Variants in GPSM2 observed in about 807,000 individuals in gnomAD.
GPSM2 encodes G protein signaling modulator 2.
GPSM2 carries 58 observed loss-of-function variants against 78.4 expected under a neutral mutation model. That is an observed-to-expected ratio of 0.74 (90% CI 0.60 to 0.92). The LOEUF is 0.92. Ranked by LOEUF, GPSM2 falls within the 40% of genes least tolerant of loss-of-function variation. The pLI is 0.00. For missense variants in GPSM2, 700 were observed against 815.5 expected (o/e 0.86, Z 1.73); for synonymous variants, 224 against 280.2 (o/e 0.80, Z 2.00).
Position 108,934,338 on chromosome 1 carries a change from T to C in GPSM2, c.*4398T>C. On this transcript the variant is annotated 3_prime_UTR_variant, in exon 15 of 15. Coordinates refer to ENST00000264126, the MANE Select transcript of GPSM2 (RefSeq NM_013296.5). ...GGGTTCCCGTAAGTGCCTGTAACAA[T>C]AAAATTTCTTTTTCAATGTCCCCAA... The C allele has an allele frequency of 3.9e-6, 1 of 253,790 alleles. No individual in the cohort carries two copies. 15.7% of individuals were successfully genotyped at this position (253,790 alleles called of 1,614,324 possible). A position where few individuals can be genotyped will look rare whatever the true frequency, so the allele number is the denominator to read the frequency against.
chr1:108,887,060 G>C (rs1245690353), intron 2 of GPSM2, among the ~76,000 whole-genome samples: 1 of 151,886 alleles, frequency 6.6e-6, no homozygotes, highest in Non-Finnish European at 1.5e-5. Flanking sequence ...CTAATTTTTT[G>C]TATTTTTAGT....
chr1:108,903,691 C>T (rs142240745), intron 9 of GPSM2, among the ~76,000 whole-genome samples: 1 of 152,210 alleles, frequency 6.6e-6, no homozygotes, highest in East Asian at 1.9e-4. Context: ...ACGATTAGAG[C>T]TAATGTATAT....
At position 108,885,452 on chromosome 1, in the gene GPSM2, T is replaced by C; in HGVS notation, c.-71T>C. The C allele has an allele frequency of 3.5e-6, 3 of 865,144 alleles. No individual in the cohort carries two copies. In the South Asian group the frequency reaches 4.1e-5, roughly 12 times the overall value. 53.6% of individuals were successfully genotyped at this position (865,144 alleles called of 1,614,324 possible). A position where few individuals can be genotyped will look rare whatever the true frequency, so the allele number is the denominator to read the frequency against. ...AACCGGACAATGTTCTACAAACAAT[T>C]CTACATTGTAAAGGACTGGATTGGC... On this transcript the variant is annotated 5_prime_UTR_variant, in exon 2 of 15. Transcript: ENST00000264126.
rs1355756322 is a variant in GPSM2 at position 108,906,629 on chromosome 1, A to G, written c.1192+2375A>G. On this transcript the variant is annotated intron_variant, in intron 10 of 14. Transcript: ENST00000264126. ...CAGTGGCTCACGCCTGTAATCCCCA[A>G]CACTTCAGGAGGCTGAGGCAGGTGG... Among the ~76,000 whole-genome samples the G allele has an allele frequency of 3.3e-5, 5 of 151,390 alleles. No individual in the cohort carries two copies. The East Asian group carries it at 5.8e-4, about 18-fold the overall frequency.
In GPSM2 at chr1:108,903,193, G is replaced by A. The variant is rs727505313; in HGVS notation, c.1021G>A (p.Ala341Thr). ...AYTALGNHDQ[A>T]MHFAEKHLEI... ...CACAGCACTAGGAAATCATGATCAA[G>A]CAATGCATTTTGCTGAAAAGCACTT... Residue 341 changes from alanine to threonine, a missense_variant, in exon 9 of 15, where the codon GCA becomes ACA. Transcript: ENST00000264126. 1.9e-5 allele frequency: 31 copies of A among 1,610,278 alleles called. No individual in the cohort carries two copies. The Admixed American group carries it at 5.2e-4, about 27-fold the overall frequency.
In GPSM2 at chr1:108,884,628, G is replaced by A. The variant is rs535917098; in HGVS notation, c.-248-647G>A. 1.8e-3 allele frequency among the ~76,000 whole-genome samples: 277 copies of A among 152,312 alleles called. 1 individual carries two copies. Among genetic ancestry groups the A allele is most frequent in the African/African-American group, 6.3e-3 (260 of 41,572 alleles). ...TTAGAAATCACCTTAGAGGGAAAAGGAAGGAGATGGGTTAGGTTGGACTAC... is the reference window on the plus strand; with the variant it reads ...TTAGAAATCACCTTAGAGGGAAAAGAAAGGAGATGGGTTAGGTTGGACTAC... On this transcript the variant is annotated intron_variant, in intron 1 of 14. Transcript: ENST00000264126.
intron 14 of GPSM2, 129 bp from the exon 15 acceptor site, chr1:108,929,572 A>C (rs899425466): frequency 1.3e-6 from 1 of 783,136 alleles, no homozygotes; most frequent in Non-Finnish European, 2.2e-6. Flanking sequence ...ATAAAAACAA[A>C]GATTAATTTC....
At chr1:108,929,275 T>C (rs540398152) in intron 14 of GPSM2, among the ~76,000 whole-genome samples, 1 of 152,334 alleles carries the variant, frequency 6.6e-6, no homozygotes, top group South Asian at 2.1e-4. Flanking sequence ...GTGATTTTTT[T>C]AAGGTAGTTC....
chr1:108,881,067 A>T (rs1291423522), intron 1 of GPSM2, among the ~76,000 whole-genome samples: 1 of 152,210 alleles, frequency 6.6e-6, no homozygotes, highest in African/African-American at 2.4e-5. Context: ...GTCTAAAGGG[A>T]GTCTGTCTAT....
Position 108,885,299 on chromosome 1 carries a change from A to G in GPSM2, c.-224A>G. On this transcript the variant is annotated 5_prime_UTR_variant, in exon 2 of 15. Coordinates refer to ENST00000264126, the MANE Select transcript of GPSM2 (RefSeq NM_013296.5). ...GAAATGTTGCTGAAGTGCTGCTGAA[A>G]GGGCCAGAGATGCAAGGATTTGGGA... The G allele has an allele frequency of 2.3e-6, 1 of 427,816 alleles. No individual in the cohort carries two copies. The highest frequency in any genetic ancestry group is 4.0e-5 in the Admixed American group (1 of 25,300). The allele number at this position is 427,816 out of a possible 1,614,324, so 26.5% of individuals were successfully genotyped here.
At chr1:108,921,123 C>G (rs1487235545) in intron 12 of GPSM2, among the ~76,000 whole-genome samples, 2 of 152,298 alleles carry the variant, frequency 1.3e-5, no homozygotes, top group East Asian at 3.9e-4. Context: ...CTGTGTCCCT[C>G]AGATCTGCTC....
chr1:108,911,800 T>TA (rs1649767030), intron 10 of GPSM2, among the ~76,000 whole-genome samples: 2 of 658 alleles, frequency 3.0e-3, no homozygotes, highest in African/African-American at 0.012. Context: ...GGGAAGACAA[T>TA]TTTTTTTTTT....
chr1:108,897,883 T>C, intron 4 of GPSM2, 76 bp from the exon 5 acceptor site: 1 of 1,466,972 alleles, frequency 6.8e-7, no homozygotes, highest in Non-Finnish European at 9.5e-7. Flanking sequence ...TCCGTAATAC[T>C]AAGGATATTA....
rs949173800 is a variant in GPSM2, at chr1:108,931,881, G to A, written c.*1941G>A. The A allele has an allele frequency of 9.9e-5, 16 of 161,884 alleles. No individual in the cohort carries two copies. Among genetic ancestry groups the A allele is most frequent in the Admixed American group, 7.9e-4 (13 of 16,514 alleles). 10.0% of individuals were successfully genotyped at this position (161,884 alleles called of 1,614,324 possible). ...GTACAAACTTTGTGTATTATTTTGT[G>A]TATACAATAGTTCTTACAGCCTGTA... On this transcript the variant is annotated 3_prime_UTR_variant, in exon 15 of 15. Transcript: ENST00000264126.
chr1:108,898,107 T>G lies in GPSM2; in HGVS notation c.557+6T>G. On this transcript the variant is annotated splice_donor_region_variant and intron_variant, in intron 5 of 14. Coordinates refer to ENST00000264126, the MANE Select transcript of GPSM2 (RefSeq NM_013296.5). ...GCAGCCGTGGATTTTTATGAGTGAG[T>G]AGGGGCTGATATGGGCAGTCATGTA... 3 of 1,612,994 alleles carry G rather than the reference T, an allele frequency of 1.9e-6. No homozygotes were observed. Among genetic ancestry groups the G allele is most frequent in the Non-Finnish European group, 2.5e-6 (3 of 1,179,034 alleles).
At chr1:108,902,061 T>C in intron 8 of GPSM2, 116 bp downstream of exon 8, 1 of 747,936 alleles carries the variant, frequency 1.3e-6, no homozygotes, top group Non-Finnish European at 2.3e-6. Context: ...TTTTAAGGAA[T>C]TTTCTTTCAG....
chr1:108,915,333 T>G (rs1184419299), intron 11 of GPSM2, among the ~76,000 whole-genome samples: 8 of 139,936 alleles, frequency 5.7e-5, no homozygotes, highest in African/African-American at 2.1e-4. Context: ...ATCGCGCCAC[T>G]GTACTCCAGC....
chr1:108,879,728 G>C (rs1051216689), intron 1 of GPSM2, among the ~76,000 whole-genome samples: 1 of 152,168 alleles, frequency 6.6e-6, no homozygotes, highest in African/African-American at 2.4e-5. Flanking sequence ...AGCTACTCAG[G>C]AGGCTGAGGC....
At chr1:108,884,413 G>A (rs561636550) in intron 1 of GPSM2, among the ~76,000 whole-genome samples, 1 of 152,254 alleles carries the variant, frequency 6.6e-6, no homozygotes, top group East Asian at 1.9e-4. Flanking sequence ...ATCAACAGCA[G>A]AATGAAAAAT....
Sources: gnomAD v4.1 joint callset for allele counts (sites outside exome capture counted in the v4.1 genomes callset) on GRCh38, gnomAD v4.1.1 for gene constraint, MANE v1.5 for transcripts, NCBI Gene and HGNC (gene_info 2026-07-23, HGNC 2026-07-21) for gene names.